The following MTMR3 variants were observed in gnomAD, a reference collection of about 807,000 sequenced individuals.
The protein encoded by MTMR3 is phosphatidylinositol-3,5-bisphosphate 3-phosphatase MTMR3.
In MTMR3, 32 loss-of-function variants were observed where a neutral mutation model predicts 132.4. That is an observed-to-expected ratio of 0.24 (90% confidence interval 0.18 to 0.32). The LOEUF (loss-of-function observed/expected upper bound fraction) is 0.32, where lower values mean the gene tolerates loss of function less well. MTMR3 is among the 10% of genes least tolerant of loss of function. The probability of loss-of-function intolerance (pLI) is 1.00; values close to 1 mark genes in which losing one functional copy is unlikely to be tolerated. For synonymous variants in MTMR3, 556 were observed against 550.3 expected, an observed-to-expected ratio of 1.01 and a Z score of -0.14; for missense variants, 1,216 against 1,489.6, an observed-to-expected ratio of 0.82 and a Z score of 3.02.
At chr22:29,931,810 G>A (rs1457771934) in intron 1 of MTMR3, among the ~76,000 whole-genome samples, 2 of 137,414 alleles carry the variant, frequency 1.5e-5, no homozygotes, top group Non-Finnish European at 3.1e-5. Context: ...AGCAGATTAA[G>A]ACCATTGGAG....
intron 1 of MTMR3, among the ~76,000 whole-genome samples, chr22:29,885,850 A>G (rs1457741020): frequency 6.6e-6 from 1 of 152,226 alleles, no homozygotes; most frequent in Non-Finnish European, 1.5e-5. Flanking sequence ...CTGTTACCAA[A>G]GGAAGTATTC....
chr22:29,955,781 T>C (rs1183353615), intron 1 of MTMR3, among the ~76,000 whole-genome samples: 1 of 152,218 alleles, frequency 6.6e-6, no homozygotes, highest in African/African-American at 2.4e-5. Flanking sequence ...AGATGGAATC[T>C]CACACTGTCG....
At chr22:30,016,740 A>AT in intron 15 of MTMR3, 42 bp downstream of exon 15, 1 of 1,573,774 alleles carries the variant, frequency 6.4e-7, no homozygotes, top group Non-Finnish European at 8.6e-7. Context: ...AGCAGAAGGA[A>AT]TTTGGGGTTG....
At chr22:30,006,232 C>T (rs2067271489) in intron 9 of MTMR3, 1 of 152,158 alleles carries the variant, frequency 6.6e-6, no homozygotes, top group Admixed American at 6.5e-5. Flanking sequence ...GATTTCTGGT[C>T]TGTCTTATTG....
chr22:29,967,248 C>CGCGT (rs1250963724), intron 2 of MTMR3, among the ~76,000 whole-genome samples: 57 of 149,142 alleles, frequency 3.8e-4, no homozygotes, highest in African/African-American at 1.4e-3. Context: ...CGCGCGCGCG[C>CGCGT]GCATGTTTTT....
chr22:29,917,297 C>G (rs1013046298), intron 1 of MTMR3, among the ~76,000 whole-genome samples: 6 of 152,142 alleles, frequency 3.9e-5, no homozygotes, highest in African/African-American at 1.4e-4. Context: ...ACCCCTTCAC[C>G]TCCCCTGATA....
intron 1 of MTMR3, among the ~76,000 whole-genome samples, chr22:29,946,001 T>G (rs868117922): frequency 1.6e-5 from 2 of 125,758 alleles, no homozygotes; most frequent in East Asian, 2.5e-4. Flanking sequence ...ATTGTAAAAC[T>G]TGTGTGTGTG....
In MTMR3 at chr22:29,911,279, C is replaced by T. The variant is rs374679685; in HGVS notation, c.-138+27920C>T. 1.2e-4 allele frequency among the ~76,000 whole-genome samples: 18 copies of T among 152,188 alleles called. No individual in the cohort carries two copies. In the East Asian group the frequency reaches 3.3e-3, roughly 28 times the overall value. ...GATTTTTGGGCTGGGTGTGGTGGCT[C>T]GCACCTGTAATCACAGCACTTTGGG... On this transcript the variant is annotated intron_variant, in intron 1 of 19. Coordinates refer to ENST00000401950, the MANE Select transcript of MTMR3 (RefSeq NM_021090.4).
chr22:30,001,836 C>T (rs949724699), intron 8 of MTMR3: 2 of 152,132 alleles, frequency 1.3e-5, no homozygotes, highest in Admixed American at 1.3e-4. Context: ...CTCTTTTGTT[C>T]AGTGGCTTTT....
chr22:30,004,162 C>T (rs1384478355), intron 9 of MTMR3: 2 of 152,244 alleles, frequency 1.3e-5, no homozygotes, highest in Non-Finnish European at 2.9e-5. Flanking sequence ...TGTTTTCAGA[C>T]ACCCCTAGAA....
At chr22:29,893,878 C>T (rs2064843555) in intron 1 of MTMR3, among the ~76,000 whole-genome samples, 1 of 152,110 alleles carries the variant, frequency 6.6e-6, no homozygotes, top group Non-Finnish European at 1.5e-5. Flanking sequence ...CGGAGTCTCA[C>T]TCTGTCACCC....
chr22:29,928,590 A>G (rs1055523631), intron 1 of MTMR3, among the ~76,000 whole-genome samples: 3 of 151,682 alleles, frequency 2.0e-5, no homozygotes, highest in Non-Finnish European at 2.9e-5. Flanking sequence ...CATTTACTCT[A>G]TATATTTTTC....
chr22:29,983,739 G>A (rs976578403), intron 5 of MTMR3: 3 of 152,180 alleles, frequency 2.0e-5, no homozygotes, highest in African/African-American at 7.2e-5. Context: ...CTGCGCTTAG[G>A]TGATCCTCCC....
intron 7 of MTMR3, chr22:29,997,781 G>A (rs1341653279): frequency 6.6e-6 from 1 of 152,164 alleles, no homozygotes; most frequent in African/African-American, 2.4e-5. Context: ...ACCCTATTTG[G>A]TGTCTTGGCT....
intron 8 of MTMR3, chr22:30,001,716 A>G (rs565443723): frequency 6.6e-6 from 1 of 152,348 alleles, no homozygotes; most frequent in Admixed American, 6.5e-5. Flanking sequence ...AATAAAGGGA[A>G]TGAGATTCAT....
intron 3 of MTMR3, among the ~76,000 whole-genome samples, chr22:29,975,886 A>G (rs1277782309): frequency 6.6e-6 from 1 of 152,242 alleles, no homozygotes; most frequent in East Asian, 1.9e-4. Context: ...GATTACAGGC[A>G]TGAGCCGTGT....
chr22:30,001,926 C>G (rs2067183869), intron 8 of MTMR3: 1 of 152,234 alleles, frequency 6.6e-6, no homozygotes, highest in Middle Eastern at 3.4e-3. Flanking sequence ...ACCCCCAAAT[C>G]CTAAGCCATT....
chr22:29,956,589 TAAAC>T (rs1304506168), intron 1 of MTMR3, among the ~76,000 whole-genome samples: 1 of 152,156 alleles, frequency 6.6e-6, no homozygotes, highest in Non-Finnish European at 1.5e-5. Flanking sequence ...CCCTTTTTCT[TAAAC>T]AAAAGGTCAG....
intron 1 of MTMR3, among the ~76,000 whole-genome samples, chr22:29,890,954 A>G (rs1464187224): frequency 1.3e-5 from 2 of 151,998 alleles, no homozygotes; most frequent in East Asian, 3.9e-4. Flanking sequence ...TCAAGGCTAA[A>G]GTTCACTGTG....
Sources: gnomAD v4.1 joint callset for allele counts (sites outside exome capture counted in the v4.1 genomes callset) on GRCh38, gnomAD v4.1.1 for gene constraint, MANE v1.5 for transcripts, NCBI Gene and HGNC (gene_info 2026-07-23, HGNC 2026-07-21) for gene names.